ATF7IP2: variants seen among roughly 807,000 people sequenced by gnomAD.
The protein encoded by ATF7IP2 is activating transcription factor 7-interacting protein 2.
Under a neutral mutation model 64.2 loss-of-function variants are expected in ATF7IP2, and 42 were observed. The observed-to-expected ratio is 0.65, with a 90% CI of 0.51 to 0.85. The LOEUF (loss-of-function observed/expected upper bound fraction) is 0.85, where lower values mean the gene tolerates loss of function less well. ATF7IP2 is among the 40% of genes least tolerant of loss of function. ATF7IP2 has a pLI of 0.00. For synonymous variants in ATF7IP2, 308 were observed against 272.8 expected, an observed-to-expected ratio of 1.13 and a Z score of -1.27; for missense variants, 933 against 784.2, an observed-to-expected ratio of 1.19 and a Z score of -2.27.
At chr16:10,414,293 CT>C (rs2047826674) in intron 1 of ATF7IP2, among the ~76,000 whole-genome samples, 1 of 151,842 alleles carries the variant, frequency 6.6e-6, no homozygotes, top group African/African-American at 2.4e-5. Context: ...ATTCTTTTTT[CT>C]TTGTCTTTGT....
rs929577482 is a variant in ATF7IP2, at chr16:10,395,331, A to G, written c.-242+9209A>G. Among the ~76,000 whole-genome samples the G allele has an allele frequency of 2.6e-5, 4 of 152,286 alleles. No individual in the cohort carries two copies. In the South Asian group the frequency reaches 8.3e-4, roughly 32 times the overall value. On this transcript the variant is annotated intron_variant, in intron 1 of 13. Coordinates refer to ENST00000562102, the MANE Select transcript of ATF7IP2 (RefSeq NM_001393719.1). The stretch of plus-strand genomic sequence containing the variant: ...GCAGTGGAATTAGGACAAAATGAAA[A>G]GCCCCAAATCAGATGGTTTTATTAG...
At chr16:10,392,054 A>ATTTTT (rs1246755590) in intron 1 of ATF7IP2, among the ~76,000 whole-genome samples, 4 of 100,442 alleles carry the variant, frequency 4.0e-5, no homozygotes, top group African/African-American at 1.8e-4. Flanking sequence ...TGGTTGTATT[A>ATTTTT]TCTTTTTTTT....
intron 9 of ATF7IP2, among the ~76,000 whole-genome samples, chr16:10,461,539 T>G (rs1418386661): frequency 6.6e-6 from 1 of 152,128 alleles, no homozygotes; most frequent in Non-Finnish European, 1.5e-5. Context: ...TGCAGTCACA[T>G]GCAACAGTAT....
intron 3 of ATF7IP2, among the ~76,000 whole-genome samples, chr16:10,423,936 A>C (rs1431207697): frequency 6.6e-6 from 1 of 152,218 alleles, no homozygotes. Context: ...ACGCATAGAA[A>C]TATAGAGTGT....
chr16:10,413,492 C>G (rs746540158), intron 1 of ATF7IP2, among the ~76,000 whole-genome samples: 4 of 152,276 alleles, frequency 2.6e-5, no homozygotes, highest in East Asian at 1.9e-4. Flanking sequence ...TCAGGTATGT[C>G]TTTATCACCA....
intron 12 of ATF7IP2, among the ~76,000 whole-genome samples, chr16:10,477,071 A>G (rs901251036): frequency 6.6e-6 from 1 of 152,216 alleles, no homozygotes; most frequent in Non-Finnish European, 1.5e-5. Flanking sequence ...GCCAAAACCA[A>G]TTGCAACAAA....
At chr16:10,444,233 G>C (rs1397004215) in intron 8 of ATF7IP2, among the ~76,000 whole-genome samples, 1 of 152,176 alleles carries the variant, frequency 6.6e-6, no homozygotes, top group African/African-American at 2.4e-5. Context: ...AATTAGACAG[G>C]TTAAGTTTTT....
At chr16:10,431,867 A>G (rs2048270733) in intron 5 of ATF7IP2, among the ~76,000 whole-genome samples, 1 of 132,958 alleles carries the variant, frequency 7.5e-6, no homozygotes, top group Non-Finnish European at 1.5e-5. Context: ...TCTGTCGCTC[A>G]GGCTGGAGTG....
intron 6 of ATF7IP2, among the ~76,000 whole-genome samples, chr16:10,434,995 G>C (rs908654090): frequency 1.3e-4 from 20 of 152,114 alleles, no homozygotes; most frequent in Non-Finnish European, 4.4e-5. Context: ...GTCTTGAACA[G>C]CAGTTTCAGT....
At chr16:10,468,838 A>G (rs746909505) in intron 9 of ATF7IP2, among the ~76,000 whole-genome samples, 1 of 152,166 alleles carries the variant, frequency 6.6e-6, no homozygotes, top group Non-Finnish European at 1.5e-5. Flanking sequence ...GATTGGTAAC[A>G]TTTTGCTTTC....
chr16:10,456,698 T>C lies in ATF7IP2; in HGVS notation c.1195-674T>C, dbSNP rs533430140. Among the ~76,000 whole-genome samples, 6 of 152,268 alleles carry C rather than the reference T, an allele frequency of 3.9e-5. No individual in the cohort carries two copies. The South Asian group carries it at 1.2e-3, about 32-fold the overall frequency. Reference sequence around the variant, plus strand: ...CACTGCAATGGATTGGGCCTGCCATTGCCCCAGATGTCAGATGAGCACCCA... The same window carrying C: ...CACTGCAATGGATTGGGCCTGCCATCGCCCCAGATGTCAGATGAGCACCCA... On this transcript the variant is annotated intron_variant, in intron 8 of 13. Transcript: ENST00000562102.
At chr16:10,408,986 C>A (rs1409478895) in intron 1 of ATF7IP2, among the ~76,000 whole-genome samples, 2 of 152,234 alleles carry the variant, frequency 1.3e-5, no homozygotes, top group Non-Finnish European at 2.9e-5. Flanking sequence ...AAAGTTTTCC[C>A]AGCAAGGCAA....
chr16:10,430,577 G>A, intron 4 of ATF7IP2, 34 bp from the exon 5 acceptor site: 1 of 1,365,648 alleles, frequency 7.3e-7, no homozygotes, highest in East Asian at 2.4e-5. Context: ...ATTCACTAGA[G>A]AAATGCATTT....
At chr16:10,417,414 T>C (rs947490584) in intron 2 of ATF7IP2, among the ~76,000 whole-genome samples, 1 of 151,996 alleles carries the variant, frequency 6.6e-6, no homozygotes, top group African/African-American at 2.4e-5. Context: ...GAAACCAAAA[T>C]TGAGCAGGAG....
intron 8 of ATF7IP2, chr16:10,449,121 TTGTG>T (rs1218983205): frequency 7.2e-5 from 11 of 152,172 alleles, no homozygotes; most frequent in Admixed American, 7.2e-4. Flanking sequence ...GTTTATTGAT[TTGTG>T]TATGTTGAAC....
rs1476575065 is a variant in ATF7IP2 at position 10,412,010 on chromosome 16, G to GGTTTTTTTTTTTTTT, written c.-241-2564_-241-2563insGTTTTTTTTTTTTTT. ...CTTTTTGTTTCATTTATCTTTTTTT[G>GGTTTTTTTTTTTTTT]TTTTTTTTTTTTTTTTTTTTTTTTT... On this transcript the variant is annotated intron_variant, in intron 1 of 13. Coordinates refer to ENST00000562102, the MANE Select transcript of ATF7IP2 (RefSeq NM_001393719.1). Among the ~76,000 whole-genome samples, 99 of 58,396 alleles carry GGTTTTTTTTTTTTTT rather than the reference G, an allele frequency of 1.7e-3. 28 individuals are homozygous for GGTTTTTTTTTTTTTT. Among genetic ancestry groups the GGTTTTTTTTTTTTTT allele is most frequent in the African/African-American group, 1.9e-3 (31 of 16,354 alleles). The allele number at this position is 58,396 out of a possible 152,430, so 38.3% of individuals were successfully genotyped here. A position where few individuals can be genotyped will look rare whatever the true frequency, so the allele number is the denominator to read the frequency against.
intron 4 of ATF7IP2, among the ~76,000 whole-genome samples, chr16:10,430,178 T>A (rs1410476381): frequency 6.6e-6 from 1 of 152,122 alleles, no homozygotes; most frequent in African/African-American, 2.4e-5. Context: ...AACTTGAACA[T>A]TAGGAAAGCT....
At chr16:10,459,431 G>C (rs1233292244) in intron 9 of ATF7IP2, among the ~76,000 whole-genome samples, 1 of 150,574 alleles carries the variant, frequency 6.6e-6, no homozygotes, top group Non-Finnish European at 1.5e-5. Flanking sequence ...TCACACCACT[G>C]TGCTCCAGCC....
chr16:10,395,297 A>G (rs1046151963), intron 1 of ATF7IP2, among the ~76,000 whole-genome samples: 8 of 152,190 alleles, frequency 5.3e-5, no homozygotes, highest in African/African-American at 9.6e-5. Context: ...CTGAACAAAC[A>G]TAAACAAAGC....
Sources: gnomAD v4.1 joint callset for allele counts (sites outside exome capture counted in the v4.1 genomes callset) on GRCh38, gnomAD v4.1.1 for gene constraint, MANE v1.5 for transcripts, NCBI Gene and HGNC (gene_info 2026-07-23, HGNC 2026-07-21) for gene names.